The following KDM1A variants were observed in gnomAD, a reference collection of about 807,000 sequenced individuals.
The protein encoded by KDM1A is lysine demethylase 1A, also known as lysine-specific histone demethylase 1A.
In KDM1A, 49 loss-of-function variants were observed where a neutral mutation model predicts 109.4. The observed-to-expected ratio is 0.45, with a 90% CI of 0.36 to 0.57. The LOEUF is 0.57. Among genes scored for constraint, KDM1A ranks in the 20% least tolerant of loss-of-function variants. The pLI is 0.00. For synonymous variants in KDM1A, 380 were observed against 415.4 expected, an observed-to-expected ratio of 0.91 and a Z score of 1.04; for missense variants, 668 against 1,116.6, an observed-to-expected ratio of 0.60 and a Z score of 5.73.
At chr1:23,073,136 A>G in intron 14 of KDM1A, 156 bp from the exon 15 acceptor site, 1 of 542,212 alleles carries the variant, frequency 1.8e-6, no homozygotes, top group Non-Finnish European at 3.3e-6. Flanking sequence ...AAAGAGGTTA[A>G]TAAGACAGAT....
chr1:23,038,742 ATTG>A (rs1285453804), intron 2 of KDM1A, among the ~76,000 whole-genome samples: 1 of 152,178 alleles, frequency 6.6e-6, no homozygotes, highest in Non-Finnish European at 1.5e-5. Context: ...CTGTGGTGTT[ATTG>A]TTCTTTCAGC....
chr1:23,057,800 C>CTT (rs10685820), intron 8 of KDM1A: 58,328 of 127,210 alleles, frequency 0.46, 17,529 homozygotes, highest in Non-Finnish European at 0.59. Context: ...GTGTTTGAAG[C>CTT]TTTTTTTTTT....
chr1:23,038,931 C>T (rs1642228451), intron 2 of KDM1A, among the ~76,000 whole-genome samples: 4 of 152,150 alleles, frequency 2.6e-5, no homozygotes, highest in Admixed American at 2.6e-4. Flanking sequence ...TGGTCTTGAA[C>T]TCCTTGTTGT....
chr1:23,064,852 G>GA (rs1348684217), intron 9 of KDM1A, among the ~76,000 whole-genome samples: 2 of 152,172 alleles, frequency 1.3e-5, no homozygotes, highest in Non-Finnish European at 2.9e-5. Context: ...AGTCTTGAAG[G>GA]AACTATTTAC....
In KDM1A at chr1:23,079,516, C is replaced by T. The variant is rs1643559698; in HGVS notation, c.2056-37C>T. 6.7e-7 allele frequency: 1 copy of T among 1,489,346 alleles called. No individual in the cohort carries two copies. Among genetic ancestry groups the T allele is most frequent in the Non-Finnish European group, 9.3e-7 (1 of 1,072,606 alleles). The allele number at this position is 1,489,346 out of a possible 1,614,324, so 92.3% of individuals were successfully genotyped here. A position where few individuals can be genotyped will look rare whatever the true frequency, so the allele number is the denominator to read the frequency against. On this transcript the variant is annotated intron_variant, in intron 17 of 20. Coordinates refer to ENST00000400181, the MANE Select transcript of KDM1A (RefSeq NM_001009999.3). This position sits in a 1 kb window ranked among gnomAD's most constrained non-coding sequence, Gnocchi z 5.6. ...TCTGTTGAAGCCAGTATTATCTGGCCCCTGTCACTGGCTCATGTGCTTCTT... is the reference window on the plus strand; with the variant it reads ...TCTGTTGAAGCCAGTATTATCTGGCTCCTGTCACTGGCTCATGTGCTTCTT...
In KDM1A at chr1:23,050,506, A is replaced by G; in HGVS notation, c.697A>G (p.Ile233Val). Residue 233 changes from isoleucine (I) to valine (V), a missense_variant, in exon 4 of 21, where the codon ATT becomes GTT. Physicochemically the swap from Ile to Val is conservative, Grantham distance 29. Transcript: ENST00000400181. ...PQQTQKVFLF[I>V]RNRTLQLWLD... is the part of the protein sequence containing the mutation. ...ACAGACCCAGAAGGTTTTTCTTTTC[A>G]TTAGAAACCGCACAGTAAGTTTCCA... is the stretch of plus-strand genomic sequence containing the variant. 6.2e-7 allele frequency: 1 copy of G among 1,609,656 alleles called. No homozygotes were observed. The highest frequency in any genetic ancestry group is 2.2e-5 in the East Asian group (1 of 44,626).
intron 3 of KDM1A, 123 bp downstream of exon 3, chr1:23,044,609 C>G: frequency 1.3e-6 from 1 of 770,616 alleles, no homozygotes; most frequent in Non-Finnish European, 2.1e-6. Flanking sequence ...AAATTTAACC[C>G]ACAGGACATA....
intron 14 of KDM1A, among the ~76,000 whole-genome samples, chr1:23,072,649 C>G (rs1355016615): frequency 1.3e-5 from 2 of 152,018 alleles, no homozygotes; most frequent in Non-Finnish European, 2.9e-5. Context: ...ATGCTACCCA[C>G]CCTTTCTTTT....
chr1:23,030,575 C>T lies in KDM1A; in HGVS notation c.458C>T (p.Pro153Leu). ...GCAGAGAAGGAAAAGAAGCTTCCCC[C>T]ACCACCCCCTCAAGCCCCACCTGAG... ...AKAEKEKKLPPPPPQAPPEEE... is the reference protein window; with the variant it reads ...AKAEKEKKLPLPPPQAPPEEE... The change falls in exon 2 of 21, where the codon CCA becomes CTA. Residue 153 changes from proline (P) to leucine (L), a missense_variant. Coordinates refer to ENST00000400181, the MANE Select transcript of KDM1A (RefSeq NM_001009999.3). 6.2e-7 allele frequency: 1 copy of T among 1,611,528 alleles called. No individual in the cohort carries two copies.
At chr1:23,029,649 A>AT (rs1009753567) in intron 1 of KDM1A, among the ~76,000 whole-genome samples, 7 of 151,292 alleles carry the variant, frequency 4.6e-5, no homozygotes, top group South Asian at 4.2e-4. Context: ...TTTTATTTTT[A>AT]TTTTTTTTGA....
At chr1:23,068,508 G>A in intron 10 of KDM1A, 31 bp from the exon 11 acceptor site, 1 of 1,537,356 alleles carries the variant, frequency 6.5e-7, no homozygotes, top group Non-Finnish European at 8.7e-7. Context: ...AGTTTTATAA[G>A]GACCAACTCT....
Position 23,083,373 on chromosome 1 carries a change from C to CATTCT in KDM1A, c.*11_*15dup, listed in dbSNP as rs1557608462. On this transcript the variant is annotated 3_prime_UTR_variant, in exon 21 of 21. Transcript: ENST00000400181. ...AGTCCCCAAGCATGTGAGACAGATG[C>CATTCT]ATTCTAAGGGAAGAGGCCCATGTGC... 6.2e-7 allele frequency: 1 copy of CATTCT among 1,607,252 alleles called. No homozygotes were observed. Among genetic ancestry groups the CATTCT allele is most frequent in the Admixed American group, 1.7e-5 (1 of 59,746 alleles).
intron 9 of KDM1A, among the ~76,000 whole-genome samples, chr1:23,063,207 T>G (rs930148870): frequency 0.14 from 3,889 of 27,342 alleles, 96 homozygotes; most frequent in Non-Finnish European, 0.21. Context: ...GGGGGGGGGG[T>G]GTGGTGTGGG....
chr1:23,068,157 G>A (rs1317777537), intron 10 of KDM1A, among the ~76,000 whole-genome samples: 3 of 152,114 alleles, frequency 2.0e-5, no homozygotes, highest in African/African-American at 7.2e-5. Context: ...TGTTGACATG[G>A]TTTTTGTTCT....
At chr1:23,029,932 A>T (rs1332319448) in intron 1 of KDM1A, among the ~76,000 whole-genome samples, 1 of 152,224 alleles carries the variant, frequency 6.6e-6, no homozygotes, top group East Asian at 1.9e-4. Flanking sequence ...GAGCCACTGC[A>T]CCTGGCCTCT....
chr1:23,052,021 A>G (rs1249043889), intron 4 of KDM1A, among the ~76,000 whole-genome samples: 1 of 152,104 alleles, frequency 6.6e-6, no homozygotes, highest in East Asian at 1.9e-4. Context: ...ATTTGCTCTA[A>G]GTGGATTTTT....
Position 23,066,489 on chromosome 1 carries a change from G to T in KDM1A, c.1179+418G>T, listed in dbSNP as rs114910405. 7.1e-4 allele frequency among the ~76,000 whole-genome samples: 108 copies of T among 152,220 alleles called. 1 individual carries two copies. Among genetic ancestry groups the T allele is most frequent in the Non-Finnish European group, 7.9e-4 (54 of 68,008 alleles). ...TCCCTTTGTGATTGTCATCCTAGTT[G>T]CAAAGATTAAAGCTTGTCTGAAGCA... On this transcript the variant is annotated intron_variant, in intron 10 of 20. Transcript: ENST00000400181.
In KDM1A at chr1:23,055,907, C is replaced by CT. The variant is rs142119400; in HGVS notation, c.884-17dup. On this transcript the variant is annotated intron_variant, in intron 6 of 20. Coordinates refer to ENST00000400181, the MANE Select transcript of KDM1A (RefSeq NM_001009999.3). ...CAAACTTTTATACCTAAAACAAAAT[C>CT]TTTTTTTTCATTTTTTGCTTTTAGC... 7.6e-3 allele frequency: 11,471 copies of CT among 1,511,972 alleles called. 637 individuals carry two copies. The African/African-American group carries it at 0.13, about 17-fold the overall frequency. 93.7% of individuals were successfully genotyped at this position (1,511,972 alleles called of 1,614,324 possible).
chr1:23,021,329 A>C (rs537127484), intron 1 of KDM1A, among the ~76,000 whole-genome samples: 1 of 152,340 alleles, frequency 6.6e-6, no homozygotes, highest in Admixed American at 6.5e-5. Context: ...CGATTTCAAT[A>C]GACAGGTGGC....
Sources: allele counts gnomAD v4.1 joint callset (sites outside exome capture counted in the v4.1 genomes callset), GRCh38; gene constraint gnomAD v4.1.1; non-coding constraint Gnocchi (gnomAD v3.1); transcripts MANE v1.5; gene names NCBI Gene and HGNC (gene_info 2026-07-23, HGNC 2026-07-21).